Variants in THRAP3 observed in about 807,000 individuals in gnomAD.
The protein encoded by THRAP3 is thyroid hormone receptor-associated protein 3.
Under a neutral mutation model 101.0 loss-of-function variants are expected in THRAP3, and 16 were observed. The observed-to-expected ratio is 0.16, with a 90% CI of 0.11 to 0.24. The LOEUF is 0.24. Among genes scored for constraint, THRAP3 ranks in the 10% least tolerant of loss-of-function variants. THRAP3 has a pLI of 1.00. For missense variants in THRAP3, 989 were observed against 1,202.7 expected (o/e 0.82, Z 2.63); for synonymous variants, 407 against 422.6 (o/e 0.96, Z 0.45).
rs564693223 is a variant in THRAP3, at chr1:36,262,344, A to G, written c.-32+2860A>G. ...ATACTTCTGAAGGAACAGATAAACTAGTATGATTAAGTTAATGAATGATGG... is the reference window on the plus strand; with the variant it reads ...ATACTTCTGAAGGAACAGATAAACTGGTATGATTAAGTTAATGAATGATGG... On this transcript the variant is annotated intron_variant, in intron 2 of 11. Coordinates refer to ENST00000354618, the MANE Select transcript of THRAP3 (RefSeq NM_005119.4). 9.2e-5 allele frequency among the ~76,000 whole-genome samples: 14 copies of G among 152,372 alleles called. No homozygotes were observed. In the South Asian group the frequency reaches 2.5e-3, roughly 27 times the overall value.
chr1:36,275,915 A>G (rs1645653617), intron 2 of THRAP3, among the ~76,000 whole-genome samples: 1 of 152,014 alleles, frequency 6.6e-6, no homozygotes, highest in African/African-American at 2.4e-5. Flanking sequence ...GCTACTCAGG[A>G]GACTGGGGTG....
At chr1:36,275,325 C>A (rs1321330317) in intron 2 of THRAP3, among the ~76,000 whole-genome samples, 2 of 136,820 alleles carry the variant, frequency 1.5e-5, no homozygotes, top group Non-Finnish European at 3.1e-5. Flanking sequence ...TGGTGGCTCA[C>A]GCCTGTAATC....
chr1:36,252,927 CATAT>C (rs71053916), intron 1 of THRAP3, among the ~76,000 whole-genome samples: 9,058 of 76,076 alleles, frequency 0.12, 417 homozygotes, highest in African/African-American at 0.12. Context: ...TATAGATAGG[CATAT>C]ATATATATAT....
At chr1:36,237,396 A>G (rs1645103093) in intron 1 of THRAP3, among the ~76,000 whole-genome samples, 2 of 147,368 alleles carry the variant, frequency 1.4e-5, no homozygotes, top group African/African-American at 2.5e-5. Context: ...TGAACCCAGG[A>G]GGCAGAGGTT....
chr1:36,277,641 G>A (rs1393009753), intron 2 of THRAP3, among the ~76,000 whole-genome samples: 1 of 152,162 alleles, frequency 6.6e-6, no homozygotes, highest in African/African-American at 2.4e-5. Context: ...CCAAGTAGCT[G>A]GGACTGTGGG....
the THRAP3 span, among the ~76,000 whole-genome samples, chr1:36,213,064 G>A: frequency 1.3e-5 from 2 of 152,192 alleles, no homozygotes; most frequent in African/African-American, 4.8e-5. Flanking sequence ...GGTACGACAT[G>A]GAGGCCAGAT....
chr1:36,220,972 A>AAAAAAAAAATATATATAT (rs1285765741), upstream of THRAP3, among the ~76,000 whole-genome samples: 1 of 94,146 alleles, frequency 1.1e-5, no homozygotes, highest in African/African-American at 4.7e-5. Context: ...AAAAAAAAAA[A>AAAAAAAAAATATATATAT]ATATATATAT....
intron 1 of THRAP3, among the ~76,000 whole-genome samples, chr1:36,240,593 C>G (rs1437240146): frequency 6.6e-6 from 1 of 152,206 alleles, no homozygotes; most frequent in Non-Finnish European, 1.5e-5. Flanking sequence ...AACACCCTCA[C>G]AGACGTACCC....
At chr1:36,255,494 C>G (rs570978706) in intron 1 of THRAP3, among the ~76,000 whole-genome samples, 2 of 150,798 alleles carry the variant, frequency 1.3e-5, no homozygotes, top group South Asian at 4.2e-4. Flanking sequence ...CCAGGCCAGG[C>G]GCGGTGGCTC....
intron 5 of THRAP3, 28 bp from the exon 6 acceptor site, chr1:36,291,346 A>G: frequency 6.2e-7 from 1 of 1,608,350 alleles, no homozygotes; most frequent in Non-Finnish European, 8.5e-7. Context: ...TTGTGTTCTA[A>G]TTGGGCCTCC....
intron 2 of THRAP3, among the ~76,000 whole-genome samples, chr1:36,265,975 G>C (rs1248846271): frequency 6.6e-6 from 1 of 151,910 alleles, no homozygotes; most frequent in Non-Finnish European, 1.5e-5. Context: ...CCAGCATGGT[G>C]AGACCCCGTC....
At chr1:36,271,470 A>G (rs1042868696) in intron 2 of THRAP3, among the ~76,000 whole-genome samples, 16 of 151,896 alleles carry the variant, frequency 1.1e-4, no homozygotes, top group African/African-American at 3.6e-4. Context: ...TTTAGTGGAG[A>G]CGGGGTTTCA....
Position 36,289,121 on chromosome 1 carries a change from G to A in THRAP3, c.1102G>A (p.Asp368Asn), listed in dbSNP as rs779156598. 5.3e-5 allele frequency: 85 copies of A among 1,610,738 alleles called. No individual in the cohort carries two copies. Among genetic ancestry groups the A allele is most frequent in the Non-Finnish European group, 6.6e-5 (78 of 1,179,318 alleles). The change falls in exon 5 of 12, where the codon GAT becomes AAT. Residue 368 changes from aspartate to asparagine, a missense_variant. Physicochemically the swap from Asp to Asn is conservative, Grantham distance 23 (BLOSUM62 1). Coordinates refer to ENST00000354618, the MANE Select transcript of THRAP3 (RefSeq NM_005119.4). ...TAAGGAACAGAAACAAACAAATACC[G>A]ATAAAGAAAAAATAAAAGAGAAAGG... ...KDKEQKQTNT[D>N]KEKIKEKGSF...
At chr1:36,265,964 G>T (rs1645508512) in intron 2 of THRAP3, among the ~76,000 whole-genome samples, 1 of 151,884 alleles carries the variant, frequency 6.6e-6, no homozygotes, top group Non-Finnish European at 1.5e-5. Flanking sequence ...GACCAGCTTG[G>T]CCAGCATGGT....
chr1:36,209,881 G>C, the THRAP3 span, among the ~76,000 whole-genome samples: 7,510 of 152,264 alleles, frequency 0.049, 279 homozygotes, highest in Middle Eastern at 0.13. Context: ...ACTGCAAAAG[G>C]AACTTGCTTG....
chr1:36,243,415 C>T (rs1240014652), intron 1 of THRAP3, among the ~76,000 whole-genome samples: 1 of 151,748 alleles, frequency 6.6e-6, no homozygotes, highest in Non-Finnish European at 1.5e-5. Context: ...GAGCATGCTG[C>T]CTTCAAGCAT....
At chr1:36,248,941 C>G (rs1443753798) in intron 1 of THRAP3, among the ~76,000 whole-genome samples, 1 of 151,474 alleles carries the variant, frequency 6.6e-6, no homozygotes, top group African/African-American at 2.4e-5. Flanking sequence ...GCTCTGTTTC[C>G]CAGGCTGGAG....
chr1:36,292,252 G>GTTTTTTTTTTTTTT (rs1557453511), intron 6 of THRAP3, among the ~76,000 whole-genome samples: 1 of 57,504 alleles, frequency 1.7e-5, no homozygotes, highest in Non-Finnish European at 3.3e-5. Context: ...AACATAATGT[G>GTTTTTTTTTTTTTT]TTTCTTTGTT....
intron 1 of THRAP3, among the ~76,000 whole-genome samples, chr1:36,250,238 A>G (rs1185712114): frequency 1.3e-5 from 2 of 150,688 alleles, no homozygotes; most frequent in South Asian, 4.2e-4. Context: ...TTTTGAGACA[A>G]AGATTTGCTC....
Sources: allele counts gnomAD v4.1 joint callset (sites outside exome capture counted in the v4.1 genomes callset), GRCh38; gene constraint gnomAD v4.1.1; transcripts MANE v1.5; gene names NCBI Gene and HGNC (gene_info 2026-07-23, HGNC 2026-07-21).